The following PALS2 variants were observed in gnomAD, a reference collection of about 807,000 sequenced individuals.
PALS2 encodes the protein protein associated with LIN7 2, MAGUK p55 family member.
A neutral mutation model predicts 61.6 loss-of-function variants in PALS2; 27 were observed. The ratio of observed to expected loss-of-function variants is 0.44; its 90% CI spans 0.32 to 0.60. PALS2 has a LOEUF of 0.60. Ranked by LOEUF, PALS2 falls within the 20% of genes least tolerant of loss-of-function variation. PALS2 has a pLI of 0.05. For missense variants in PALS2, 554 were observed against 639.4 expected, an observed-to-expected ratio of 0.87 and a Z score of 1.44; for synonymous variants, 236 against 218.6, an observed-to-expected ratio of 1.08 and a Z score of -0.70.
At chr7:24,662,653 C>T (rs1786783913) in intron 5 of PALS2, among the ~76,000 whole-genome samples, 1 of 151,288 alleles carries the variant, frequency 6.6e-6, no homozygotes, top group Non-Finnish European at 1.5e-5. Context: ...CCTGTAATTT[C>T]AGCTATTTGG....
intron 5 of PALS2, among the ~76,000 whole-genome samples, chr7:24,652,789 A>C (rs1562643468): frequency 6.6e-6 from 1 of 152,188 alleles, no homozygotes. Context: ...TGCAAGAGCA[A>C]ATGAAAGCCA....
At chr7:24,640,736 C>T (rs533810831) in intron 2 of PALS2, among the ~76,000 whole-genome samples, 54 of 152,134 alleles carry the variant, frequency 3.5e-4, no homozygotes, top group African/African-American at 1.3e-3. Context: ...CGGCCGAGGG[C>T]GGTGGCTCAT....
At chr7:24,608,034 T>C (rs1783984264) in intron 1 of PALS2, among the ~76,000 whole-genome samples, 1 of 152,174 alleles carries the variant, frequency 6.6e-6, no homozygotes. Context: ...TTTTACCACA[T>C]ACATGTGTGT....
chr7:24,676,166 G>T (rs568734251), intron 9 of PALS2, among the ~76,000 whole-genome samples: 4,552 of 152,004 alleles, frequency 0.03, 239 homozygotes, highest in African/African-American at 0.1. Flanking sequence ...TTTTTCATGT[G>T]TTTTTTGGCT....
At chr7:24,641,658 TG>T in intron 2 of PALS2, 57 bp from the exon 3 acceptor site, 1 of 1,395,358 alleles carries the variant, frequency 7.2e-7, no homozygotes, top group Non-Finnish European at 9.7e-7. Flanking sequence ...AAATAAACCA[TG>T]GTCTGGTGCA....
At chr7:24,578,688 C>A (rs1456669945) in intron 1 of PALS2, among the ~76,000 whole-genome samples, 1 of 152,212 alleles carries the variant, frequency 6.6e-6, no homozygotes, top group Non-Finnish European at 1.5e-5. Context: ...AAAGGTTCAT[C>A]TAGTTCTTCC....
At chr7:24,599,955 CAG>C (rs1471516048) in intron 1 of PALS2, among the ~76,000 whole-genome samples, 1 of 152,092 alleles carries the variant, frequency 6.6e-6, no homozygotes, top group African/African-American at 2.4e-5. Flanking sequence ...GGAAAGTCTT[CAG>C]GGGGCAGTAA....
At chr7:24,625,782 A>G (rs971357803) in intron 2 of PALS2, among the ~76,000 whole-genome samples, 1 of 152,198 alleles carries the variant, frequency 6.6e-6, no homozygotes, top group Non-Finnish European at 1.5e-5. Context: ...GAAATAAAGC[A>G]AAGAGTTATC....
rs1211488008 is a variant in PALS2 at position 24,688,246 on chromosome 7, T to G, written c.*632T>G. On this transcript the variant is annotated 3_prime_UTR_variant, in exon 12 of 12. Transcript: ENST00000222644. ...AGCTATATTAGTTTTGTCTCTTCAT[T>G]TCTATCTTTACTGAAAAATTGAAGA... 1 of 152,216 alleles carries G rather than the reference T, an allele frequency of 6.6e-6. No homozygotes were observed. The highest frequency in any genetic ancestry group is 1.5e-5 in the Non-Finnish European group (1 of 68,032). 9.4% of individuals were successfully genotyped at this position (152,216 alleles called of 1,614,324 possible).
At chr7:24,645,459 C>T (rs1393552305) in intron 3 of PALS2, among the ~76,000 whole-genome samples, 1 of 152,118 alleles carries the variant, frequency 6.6e-6, no homozygotes, top group East Asian at 1.9e-4. Flanking sequence ...GCTCTCTTTT[C>T]TGTTCCACTG....
chr7:24,587,775 C>T (rs1199909661), intron 1 of PALS2, among the ~76,000 whole-genome samples: 1 of 152,100 alleles, frequency 6.6e-6, no homozygotes, highest in Non-Finnish European at 1.5e-5. Flanking sequence ...TTTTCAATTT[C>T]ATAAAAGAAC....
At chr7:24,667,970 T>C (rs1449068184) in intron 8 of PALS2, among the ~76,000 whole-genome samples, 5 of 151,960 alleles carry the variant, frequency 3.3e-5, no homozygotes, top group Admixed American at 2.0e-4. Flanking sequence ...CCAGCCCGAT[T>C]AGACAAATTT....
chr7:24,661,405 A>T (rs1483507436), intron 5 of PALS2, among the ~76,000 whole-genome samples: 1 of 152,148 alleles, frequency 6.6e-6, no homozygotes, highest in Non-Finnish European at 1.5e-5. Flanking sequence ...AGATAATGGC[A>T]TTTCCATAAC....
intron 1 of PALS2, among the ~76,000 whole-genome samples, chr7:24,595,720 A>G (rs1329503734): frequency 6.6e-6 from 1 of 150,954 alleles, no homozygotes; most frequent in South Asian, 2.1e-4. Flanking sequence ...TGTGATGAAA[A>G]TGAAACTAAA....
At chr7:24,639,263 A>T (rs74373065) in intron 2 of PALS2, among the ~76,000 whole-genome samples, 4 of 152,324 alleles carry the variant, frequency 2.6e-5, no homozygotes, top group Non-Finnish European at 2.9e-5. Flanking sequence ...GTAAGCTTTA[A>T]TAGATGAGAG....
intron 5 of PALS2, among the ~76,000 whole-genome samples, chr7:24,654,995 T>C (rs1786341610): frequency 6.6e-6 from 1 of 152,222 alleles, no homozygotes; most frequent in Non-Finnish European, 1.5e-5. Context: ...TGTTTCACTC[T>C]ACACAGAAAA....
At chr7:24,604,219 G>GA (rs58169190) in intron 1 of PALS2, among the ~76,000 whole-genome samples, 34,050 of 85,832 alleles carry the variant, frequency 0.4, 6,535 homozygotes, top group African/African-American at 0.59. Flanking sequence ...TTCAAGAAAA[G>GA]AAAAAAAAAA....
intron 2 of PALS2, among the ~76,000 whole-genome samples, chr7:24,629,128 G>A (rs537209545): frequency 3.3e-5 from 5 of 152,056 alleles, no homozygotes; most frequent in Non-Finnish European, 7.4e-5. Context: ...CCATGGTACT[G>A]GTACAAAAAC....
At chr7:24,658,288 G>A (rs960171669) in intron 5 of PALS2, among the ~76,000 whole-genome samples, 1 of 152,076 alleles carries the variant, frequency 6.6e-6, no homozygotes. Flanking sequence ...TTTTATATCT[G>A]CATGTGTTTA....
Sources: gnomAD v4.1 joint callset for allele counts (sites outside exome capture counted in the v4.1 genomes callset) on GRCh38, gnomAD v4.1.1 for gene constraint, MANE v1.5 for transcripts, NCBI Gene and HGNC (gene_info 2026-07-23, HGNC 2026-07-21) for gene names.